Variants in ZNF462 observed in about 807,000 individuals in gnomAD.
ZNF462 encodes zinc finger PBX1-interacting protein.
Under a neutral mutation model 201.9 loss-of-function variants are expected in ZNF462, and 10 were observed. The ratio of observed to expected loss-of-function variants is 0.05; its 90% CI spans 0.03 to 0.08. The LOEUF is 0.08. ZNF462 is among the 10% of genes least tolerant of loss of function. The pLI is 1.00. For synonymous variants in ZNF462, 1,227 were observed against 1,193.3 expected (o/e 1.03, Z -0.58); for missense variants, 2,523 against 3,168.3 (o/e 0.80, Z 4.89).
chr9:106,916,469 T>C (rs924372069), intron 1 of ZNF462, among the ~76,000 whole-genome samples: 1 of 152,196 alleles, frequency 6.6e-6, no homozygotes, highest in Non-Finnish European at 1.5e-5. Context: ...ATGAGAGTTC[T>C]TGTGTGAAAA....
chr9:106,882,310 C>T (rs1186050033), intron 1 of ZNF462, among the ~76,000 whole-genome samples: 1 of 152,168 alleles, frequency 6.6e-6, no homozygotes, highest in Non-Finnish European at 1.5e-5. Context: ...AGTCTGTAAA[C>T]CAAACCTAGC....
rs905211868 is a variant in ZNF462, at chr9:106,981,161, C to T, written c.6833-3025C>T. On this transcript the variant is annotated intron_variant, in intron 9 of 12. Transcript: ENST00000277225. This position sits in a 1 kb window ranked among gnomAD's most constrained non-coding sequence, Gnocchi z 4.0. ...ATAATTAAGAGATTTGGTAGACTGGCATTGTCTTAGTTTGGAAATGGGAAG... is the reference window on the plus strand; with the variant it reads ...ATAATTAAGAGATTTGGTAGACTGGTATTGTCTTAGTTTGGAAATGGGAAG... Among the ~76,000 whole-genome samples, 1 of 152,086 alleles carries T rather than the reference C, an allele frequency of 6.6e-6. No homozygotes were observed. Among genetic ancestry groups the T allele is most frequent in the African/African-American group, 2.4e-5 (1 of 41,394 alleles).
chr9:106,929,811 G>A lies in ZNF462; in HGVS notation c.5847+52G>A, dbSNP rs755598400. On this transcript the variant is annotated intron_variant, in intron 3 of 12. Transcript: ENST00000277225. The surrounding 1 kb of genome is among the most constrained non-coding windows in gnomAD (Gnocchi z 8.7). ...CCCCAGGAGGCCTCTCATCACTGGTGCCCACATGCACTTCTTCGTTGCCAG... is the reference window on the plus strand; with the variant it reads ...CCCCAGGAGGCCTCTCATCACTGGTACCCACATGCACTTCTTCGTTGCCAG... 4 of 1,510,530 alleles carry A rather than the reference G, an allele frequency of 2.6e-6. No individual in the cohort carries two copies. In the Admixed American group the frequency reaches 7.5e-5, roughly 28 times the overall value. The allele number at this position is 1,510,530 out of a possible 1,614,324, so 93.6% of individuals were successfully genotyped here. A position where few individuals can be genotyped will look rare whatever the true frequency, so the allele number is the denominator to read the frequency against.
intron 1 of ZNF462, among the ~76,000 whole-genome samples, chr9:106,910,336 T>C (rs1003527387): frequency 7.3e-5 from 11 of 151,442 alleles, no homozygotes; most frequent in Admixed American, 5.9e-4. Context: ...GCTACATTTT[T>C]CTGTCGTCCT....
intron 9 of ZNF462, among the ~76,000 whole-genome samples, chr9:106,976,875 G>A (rs968380797): frequency 3.3e-5 from 5 of 152,136 alleles, no homozygotes; most frequent in African/African-American, 7.2e-5. Context: ...ACAACTTGAC[G>A]AACATGAAAT....
chr9:106,973,853 T>G (rs2132067842), intron 8 of ZNF462, among the ~76,000 whole-genome samples: 1 of 152,226 alleles, frequency 6.6e-6, no homozygotes, highest in Non-Finnish European at 1.5e-5. Context: ...CAGACAATTT[T>G]TAAGAATAAG....
chr9:106,915,220 T>C (rs1829722598), intron 1 of ZNF462, among the ~76,000 whole-genome samples: 1 of 151,940 alleles, frequency 6.6e-6, no homozygotes, highest in African/African-American at 2.4e-5. Context: ...TTTTCTTTTT[T>C]TTTTTAAAAC....
At chr9:106,898,490 G>A (rs564588611) in intron 1 of ZNF462, among the ~76,000 whole-genome samples, 1 of 152,280 alleles carries the variant, frequency 6.6e-6, no homozygotes, top group East Asian at 1.9e-4. Context: ...TCACTACTGG[G>A]GATGAGGGAA....
chr9:106,972,071 C>G lies in ZNF462; in HGVS notation c.6494C>G (p.Ala2165Gly). Reference protein sequence around the residue: ...QLNHYQSAALARNNSRVSPVP... With the variant: ...QLNHYQSAALGRNNSRVSPVP... Reference sequence around the variant, plus strand: ...AACCACTATCAGTCAGCTGCCCTGGCAAGGAACAACAGCCGTGTTAGCCCT... The same window carrying G: ...AACCACTATCAGTCAGCTGCCCTGGGAAGGAACAACAGCCGTGTTAGCCCT... Residue 2165 changes from alanine (A) to glycine (G), a missense_variant, in exon 8 of 13, where the codon GCA becomes GGA. By Grantham distance (60) the Ala-to-Gly change is moderately conservative. Transcript: ENST00000277225. This position sits in a 1 kb window ranked among gnomAD's most constrained non-coding sequence, Gnocchi z 4.8. 1 of 1,614,156 alleles carries G rather than the reference C, an allele frequency of 6.2e-7. No homozygotes were observed. Among genetic ancestry groups the G allele is most frequent in the Non-Finnish European group, 8.5e-7 (1 of 1,180,028 alleles).
intron 5 of ZNF462, among the ~76,000 whole-genome samples, chr9:106,934,152 G>A (rs1324305537): frequency 6.6e-6 from 1 of 151,988 alleles, no homozygotes; most frequent in Non-Finnish European, 1.5e-5. Flanking sequence ...CTCCTATAAG[G>A]TATGGCCCCA....
In ZNF462 at chr9:106,872,559, C is replaced by T. The variant is rs1346584115; in HGVS notation, c.-31+9204C>T. 9.2e-5 allele frequency among the ~76,000 whole-genome samples: 14 copies of T among 152,110 alleles called. No individual in the cohort carries two copies. Among genetic ancestry groups the T allele is most frequent in the Non-Finnish European group, 1.8e-4 (12 of 68,018 alleles). On this transcript the variant is annotated intron_variant, in intron 1 of 12. Coordinates refer to ENST00000277225, the MANE Select transcript of ZNF462 (RefSeq NM_021224.6). This position sits in a 1 kb window ranked among gnomAD's most constrained non-coding sequence, Gnocchi z 4.5. Reference sequence around the variant, plus strand: ...TTGTATTTTAGTAGAGACGGGGTTTCACTGTGTTGTCCAGGCTGGTCTCGA... The same window carrying T: ...TTGTATTTTAGTAGAGACGGGGTTTTACTGTGTTGTCCAGGCTGGTCTCGA...
At chr9:107,004,253 CA>C (rs1829393809) in intron 11 of ZNF462, among the ~76,000 whole-genome samples, 1 of 152,136 alleles carries the variant, frequency 6.6e-6, no homozygotes. Context: ...CATCAGAAAT[CA>C]ACATTGCAGA....
chr9:106,863,038 CGAGGGA>C (rs2130730589), upstream of ZNF462: 1 of 383,988 alleles, frequency 2.6e-6, no homozygotes, highest in South Asian at 1.4e-4. Flanking sequence ...AGAGAGCGCG[CGAGGGA>C]GAGGGAGGAG....
rs553444620 is a variant in ZNF462, at chr9:106,981,552, G to T, written c.6833-2634G>T. Among the ~76,000 whole-genome samples, 48 of 152,330 alleles carry T rather than the reference G, an allele frequency of 3.2e-4. No individual in the cohort carries two copies. Among genetic ancestry groups the T allele is most frequent in the African/African-American group, 1.1e-3 (46 of 41,586 alleles). On this transcript the variant is annotated intron_variant, in intron 9 of 12. Transcript: ENST00000277225. The surrounding 1 kb of genome is among the most constrained non-coding windows in gnomAD (Gnocchi z 4.0). ...TATGAGAACAAAAAGTTATGTCAAG[G>T]GTAGAACACCTAACGGTGCTTGAAC... is the stretch of plus-strand genomic sequence containing the variant.
Position 106,978,902 on chromosome 9 carries a change from A to G in ZNF462, c.6832+4629A>G, listed in dbSNP as rs973742516. ...GGATCTCATCATATCTGTCATTATA[A>G]TTGGTCCTGATGGCTTCTACCAGCT... On this transcript the variant is annotated intron_variant, in intron 9 of 12. Coordinates refer to ENST00000277225, the MANE Select transcript of ZNF462 (RefSeq NM_021224.6). This position sits in a 1 kb window ranked among gnomAD's most constrained non-coding sequence, Gnocchi z 4.1. 1 of 317,980 alleles carries G rather than the reference A, an allele frequency of 3.1e-6. No individual in the cohort carries two copies. The highest frequency in any genetic ancestry group is 3.0e-5 in the South Asian group (1 of 33,298). 19.7% of individuals were successfully genotyped at this position (317,980 alleles called of 1,614,324 possible).
At chr9:106,989,600 G>A (rs1040274298) in intron 10 of ZNF462, among the ~76,000 whole-genome samples, 2 of 151,978 alleles carry the variant, frequency 1.3e-5, no homozygotes, top group Admixed American at 1.3e-4. Context: ...GTGGGATAGT[G>A]TCAAAAGTAA....
rs950987153 is a variant in ZNF462 at position 107,009,788 on chromosome 9, G to A, written c.7313+120G>A. 44 of 1,421,248 alleles carry A rather than the reference G, an allele frequency of 3.1e-5. No homozygotes were observed. In the Admixed American group the frequency reaches 3.9e-4, roughly 13 times the overall value. The allele number at this position is 1,421,248 out of a possible 1,614,324, so 88.0% of individuals were successfully genotyped here. A position where few individuals can be genotyped will look rare whatever the true frequency, so the allele number is the denominator to read the frequency against. ...CCCCTCTGTGTCACATTTCTGGGCC[G>A]TGGGAGGAGAGGCAATGGTGAGGAA... On this transcript the variant is annotated intron_variant, in intron 12 of 12. Transcript: ENST00000277225. This position sits in a 1 kb window ranked among gnomAD's most constrained non-coding sequence, Gnocchi z 6.1.
intron 7 of ZNF462, among the ~76,000 whole-genome samples, chr9:106,971,375 AAAC>A (rs1554713164): frequency 1.2e-4 from 18 of 151,174 alleles, no homozygotes; most frequent in African/African-American, 2.4e-4. Context: ...TTAAAAAAAA[AAAC>A]AACAACAACA....
chr9:106,978,668 C>T lies in ZNF462; in HGVS notation c.6832+4395C>T, dbSNP rs892763711. On this transcript the variant is annotated intron_variant, in intron 9 of 12. Coordinates refer to ENST00000277225, the MANE Select transcript of ZNF462 (RefSeq NM_021224.6). This position sits in a 1 kb window ranked among gnomAD's most constrained non-coding sequence, Gnocchi z 4.1. ...GACTTTTGGTAGGTTTTCATTCATG[C>T]AACAAATATTTATTGAACACCCACT... 1.3e-5 allele frequency: 2 copies of T among 151,878 alleles called. No individual in the cohort carries two copies. Among genetic ancestry groups the T allele is most frequent in the African/African-American group, 4.9e-5 (2 of 40,902 alleles). The allele number at this position is 151,878 out of a possible 1,614,324, so 9.4% of individuals were successfully genotyped here. A position where few individuals can be genotyped will look rare whatever the true frequency, so the allele number is the denominator to read the frequency against.
Sources: gnomAD v4.1 joint callset for allele counts (sites outside exome capture counted in the v4.1 genomes callset) on GRCh38, gnomAD v4.1.1 for gene constraint, Gnocchi (gnomAD v3.1) non-coding constraint, MANE v1.5 for transcripts, NCBI Gene and HGNC (gene_info 2026-07-23, HGNC 2026-07-21) for gene names.